The following NLRC3 variants were observed in gnomAD, a reference collection of about 807,000 sequenced individuals.
The protein encoded by NLRC3 is NLR family CARD domain-containing protein 3.
In NLRC3, 87 loss-of-function variants were observed where a neutral mutation model predicts 91.6. The ratio of observed to expected loss-of-function variants is 0.95; its 90% confidence interval spans 0.80 to 1.14. The LOEUF (loss-of-function observed/expected upper bound fraction) is 1.14. NLRC3 is among the 50% of genes most tolerant of loss of function. The pLI is 0.00. For missense variants in NLRC3, 1,577 were observed against 1,418.6 expected (o/e 1.11, Z -1.79); for synonymous variants, 694 against 625.3 (o/e 1.11, Z -1.64).
chr16:3,559,167 G>A (rs1211914788), intron 6 of NLRC3, among the ~76,000 whole-genome samples: 1 of 152,076 alleles, frequency 6.6e-6, no homozygotes, highest in Non-Finnish European at 1.5e-5. Context: ...CACAGCATTC[G>A]TCCAGGCCAC....
Position 3,556,924 on chromosome 16 carries a change from G to A in NLRC3, c.2170C>T (p.Leu724=). The change falls in exon 8 of 20, where the codon CTG becomes TTG. Residue 724 remains leucine (L), a synonymous_variant. Transcript: ENST00000359128. ...GGTGACACACACCTCAGGGAGGTCA[G>A]GGTGCGGTTGATCTTCAAAGCGTCT... ...LADALKINRT[L]TSLSLQGNTV... 1.2e-6 allele frequency: 2 copies of A among 1,612,866 alleles called. No individual in the cohort carries two copies. Among genetic ancestry groups the A allele is most frequent in the East Asian group, 4.5e-5 (2 of 44,878 alleles).
chr16:3,569,978 A>C (rs906173917), intron 1 of NLRC3, among the ~76,000 whole-genome samples: 1 of 152,160 alleles, frequency 6.6e-6, no homozygotes, highest in East Asian at 1.9e-4. Flanking sequence ...GTATTTCCAT[A>C]ATTTATTTCT....
Position 3,563,998 on chromosome 16 carries a change from C to T in NLRC3, c.939G>A (p.Leu313=), listed in dbSNP as rs1391918729. 3.7e-6 allele frequency: 6 copies of T among 1,607,768 alleles called. No homozygotes were observed. The highest frequency in any genetic ancestry group is 5.1e-6 in the Non-Finnish European group (6 of 1,179,392). ...PEDQALLGWM[L]SQVQADRALY... ...GGGCCCTGTCAGCCTGCACTTGGCT[C>T]AGCATCCAGCCCAGAAGGGCCTGGT... Residue 313 remains leucine, a synonymous_variant, in exon 5 of 20, where the codon CTG becomes CTA. Coordinates refer to ENST00000359128, the MANE Select transcript of NLRC3 (RefSeq NM_178844.4).
chr16:3,544,600 A>G, intron 15 of NLRC3: 1 of 423,494 alleles, frequency 2.4e-6, no homozygotes, highest in East Asian at 4.0e-5. Context: ...GGGGCTTGGG[A>G]CCCAAAAGGG....
intron 1 of NLRC3, among the ~76,000 whole-genome samples, chr16:3,576,867 A>T (rs1183485739): frequency 1.3e-5 from 2 of 152,026 alleles, no homozygotes; most frequent in East Asian, 1.9e-4. Flanking sequence ...ATGGGGTTTC[A>T]CCATGTTGGC....
rs1259659361 is a variant in NLRC3, at chr16:3,577,400, C to T, written c.-420G>A. 3.5e-6 allele frequency: 2 copies of T among 568,204 alleles called. No homozygotes were observed. The highest frequency in any genetic ancestry group is 3.2e-5 in the Admixed American group (1 of 30,948). 35.2% of individuals were successfully genotyped at this position (568,204 alleles called of 1,614,324 possible). Reference sequence around the variant, plus strand: ...CCGAGCCCACCGGCTGTCCCTGTGGCTCCGGGTCCTCACCTCTTCCTGTGC... The same window carrying T: ...CCGAGCCCACCGGCTGTCCCTGTGGTTCCGGGTCCTCACCTCTTCCTGTGC... On this transcript the variant is annotated 5_prime_UTR_variant, in exon 1 of 20. Coordinates refer to ENST00000359128, the MANE Select transcript of NLRC3 (RefSeq NM_178844.4).
intron 1 of NLRC3, among the ~76,000 whole-genome samples, chr16:3,571,632 T>G (rs2040101370): frequency 6.6e-6 from 1 of 151,556 alleles, no homozygotes; most frequent in Admixed American, 6.6e-5. Context: ...ATTAAATATT[T>G]AGTTTGATAT....
At position 3,543,687 on chromosome 16, in the gene NLRC3, C is replaced by G. The variant is rs556300134; in HGVS notation, c.2856-179G>C. On this transcript the variant is annotated intron_variant, in intron 16 of 19. Transcript: ENST00000359128. Reference sequence around the variant, plus strand: ...TACCTACACTGTCTGTTGCCTAAGACAGAGATCTGGATGCTAAGGAGATGA... The same window carrying G: ...TACCTACACTGTCTGTTGCCTAAGAGAGAGATCTGGATGCTAAGGAGATGA... The G allele has an allele frequency of 6.6e-4, 393 of 599,392 alleles. 1 individual carries two copies. The highest frequency in any genetic ancestry group is 9.0e-4 in the Non-Finnish European group (299 of 333,128). The allele number at this position is 599,392 out of a possible 1,614,324, so 37.1% of individuals were successfully genotyped here.
At chr16:3,569,438 C>G (rs2040020062) in intron 1 of NLRC3, among the ~76,000 whole-genome samples, 1 of 105,444 alleles carries the variant, frequency 9.5e-6, no homozygotes, top group Admixed American at 1.4e-4. Context: ...GAGTCTCGCA[C>G]TGTCACCCAG....
Position 3,563,508 on chromosome 16 carries a change from C to A in NLRC3, c.1429G>T (p.Asp477Tyr), listed in dbSNP as rs1356265148. 6.2e-7 allele frequency: 1 copy of A among 1,600,556 alleles called. No homozygotes were observed. The highest frequency in any genetic ancestry group is 8.5e-7 in the Non-Finnish European group (1 of 1,174,064). The change falls in exon 5 of 20, where the codon GAC (aspartate) becomes TAC (tyrosine). Residue 477 changes from aspartate (D) to tyrosine (Y), a missense_variant. Transcript: ENST00000359128. ...YYGASRRAIF[D>Y]LFTESGVSWP... ...GATACGCCGCTCTCAGTGAAGAGGT[C>A]GAAGATGGCCCTCCTGGATGCGCCA...
intron 10 of NLRC3, among the ~76,000 whole-genome samples, chr16:3,550,832 G>A (rs190520286): frequency 2.0e-5 from 3 of 152,262 alleles, no homozygotes; most frequent in Admixed American, 2.0e-4. Flanking sequence ...AGCCCGAGAA[G>A]GTTGGGGTTC....
intron 8 of NLRC3, chr16:3,555,829 G>C (rs956387216): frequency 2.6e-5 from 4 of 151,514 alleles, no homozygotes; most frequent in African/African-American, 9.8e-5. Flanking sequence ...TGATCCACCT[G>C]CCTTGGCCTC....
Position 3,564,851 on chromosome 16 carries a change from G to A in NLRC3, c.178+8C>T, listed in dbSNP as rs187887592. 100 of 1,598,956 alleles carry A rather than the reference G, an allele frequency of 6.3e-5. No individual in the cohort carries two copies. The Admixed American group carries it at 9.9e-4, about 16-fold the overall frequency. ...CCACCCCGCGTCTGCCTCCCAAGCC[G>A]GTCCTACCATTGCTGCAGGGCCCCA... On this transcript the variant is annotated splice_region_variant and intron_variant, in intron 4 of 19. Transcript: ENST00000359128. This position sits in a 1 kb window ranked among gnomAD's most constrained non-coding sequence, Gnocchi z 5.9.
At chr16:3,569,821 G>C (rs1360973560) in intron 1 of NLRC3, among the ~76,000 whole-genome samples, 1 of 152,110 alleles carries the variant, frequency 6.6e-6, no homozygotes, top group Non-Finnish European at 1.5e-5. Context: ...AGTGGTTCTT[G>C]CCCAAACTGT....
chr16:3,562,414 G>C (rs117420888), intron 5 of NLRC3, among the ~76,000 whole-genome samples: 7,612 of 152,194 alleles, frequency 0.05, 246 homozygotes, highest in Admixed American at 0.069. Flanking sequence ...GCTGGGGTGG[G>C]CGGGTCACCT....
At chr16:3,568,811 C>T (rs898299164) in intron 1 of NLRC3, among the ~76,000 whole-genome samples, 1 of 152,078 alleles carries the variant, frequency 6.6e-6, no homozygotes, top group Non-Finnish European at 1.5e-5. Context: ...TTCTTTAGAT[C>T]CTTCTGTAAA....
intron 12 of NLRC3, 118 bp from the exon 13 acceptor site, chr16:3,549,343 T>TC (rs1394701659): frequency 1.3e-5 from 10 of 758,222 alleles, no homozygotes; most frequent in African/African-American, 1.2e-4. Flanking sequence ...GACCTAGAGT[T>TC]CTGCATAGTC....
At chr16:3,557,807 A>C in intron 6 of NLRC3, 131 bp from the exon 7 acceptor site, 1 of 635,350 alleles carries the variant, frequency 1.6e-6, no homozygotes, top group Non-Finnish European at 2.8e-6. Context: ...GGTGGAGATG[A>C]GGTGACCCCT....
chr16:3,544,339 G>T lies in NLRC3; in HGVS notation c.2772-10C>A, dbSNP rs1265138503. 3 of 1,604,052 alleles carry T rather than the reference G, an allele frequency of 1.9e-6. No individual in the cohort carries two copies. The highest frequency in any genetic ancestry group is 1.7e-6 in the Non-Finnish European group (2 of 1,171,158). On this transcript the variant is annotated splice_polypyrimidine_tract_variant and intron_variant, in intron 15 of 19. Coordinates refer to ENST00000359128, the MANE Select transcript of NLRC3 (RefSeq NM_178844.4). ...GGCGTTCTCCTGTAAACTAGACACA[G>T]AGTATGACCCCTTTGGGTGCACGGG...
Sources: allele counts gnomAD v4.1 joint callset (sites outside exome capture counted in the v4.1 genomes callset), GRCh38; gene constraint gnomAD v4.1.1; non-coding constraint Gnocchi (gnomAD v3.1); transcripts MANE v1.5; gene names NCBI Gene and HGNC (gene_info 2026-07-23, HGNC 2026-07-21).